The following GAS2 variants were observed in gnomAD, a reference collection of about 807,000 sequenced individuals.
GAS2 encodes the protein growth arrest specific 2.
A neutral mutation model predicts 37.5 loss-of-function variants in GAS2; 20 were observed. The ratio of observed to expected loss-of-function variants is 0.53; its 90% CI spans 0.37 to 0.77. The LOEUF is 0.77. Ranked by LOEUF, GAS2 falls within the 30% of genes least tolerant of loss-of-function variation. GAS2 has a pLI of 0.00. For synonymous variants in GAS2, 144 were observed against 132.2 expected (o/e 1.09, Z -0.61); for missense variants, 336 against 373.4 (o/e 0.90, Z 0.82).
Position 22,740,608 on chromosome 11 carries a change from T to C in GAS2, c.473+2840T>C, listed in dbSNP as rs149007951. Among the ~76,000 whole-genome samples, 58 of 152,322 alleles carry C rather than the reference T, an allele frequency of 3.8e-4. No homozygotes were observed. The East Asian group carries it at 5.8e-3, about 15-fold the overall frequency. ...TTTCTCTCTGGATACATTTAAAGTT[T>C]TTTTGATTTTGTTGCAAATTCAAAC... On this transcript the variant is annotated intron_variant, in intron 5 of 7. Coordinates refer to ENST00000454584, the MANE Select transcript of GAS2 (RefSeq NM_001143830.3).
At chr11:22,635,785 G>A (rs337484) in intron 1 of GAS2, among the ~76,000 whole-genome samples, 103,326 of 152,202 alleles carry the variant, frequency 0.68, 39,541 homozygotes, top group East Asian at 0.89. Flanking sequence ...CTCTGTCCCC[G>A]GTGGAGTCTG....
chr11:22,792,149 A>G (rs1856195934), intron 7 of GAS2, among the ~76,000 whole-genome samples: 1 of 152,216 alleles, frequency 6.6e-6, no homozygotes, highest in African/African-American at 2.4e-5. Flanking sequence ...GATTTGTGCC[A>G]TAGTTTGTCA....
chr11:22,637,097 G>T (rs1271025144), intron 1 of GAS2, among the ~76,000 whole-genome samples: 1 of 125,514 alleles, frequency 8.0e-6, no homozygotes, highest in Non-Finnish European at 1.6e-5. Flanking sequence ...AAGTAATATT[G>T]TATTACATTA....
chr11:22,793,146 C>A (rs1856251716), intron 7 of GAS2, among the ~76,000 whole-genome samples: 1 of 152,036 alleles, frequency 6.6e-6, no homozygotes, highest in Non-Finnish European at 1.5e-5. Context: ...TGGTGCCACA[C>A]ACCTGTAATC....
chr11:22,678,927 A>G (rs923436735), intron 2 of GAS2, among the ~76,000 whole-genome samples: 1 of 152,036 alleles, frequency 6.6e-6, no homozygotes, highest in Admixed American at 6.6e-5. Context: ...ATTCCTAGGC[A>G]TAGGATTAAA....
chr11:22,690,827 A>T (rs1407662276), intron 3 of GAS2, among the ~76,000 whole-genome samples: 1 of 152,100 alleles, frequency 6.6e-6, no homozygotes, highest in Non-Finnish European at 1.5e-5. Context: ...CGGTCCAAAT[A>T]GTGTTCCACA....
At chr11:22,755,793 A>G (rs2134330440) in intron 6 of GAS2, 53 bp from the exon 7 acceptor site, 1 of 1,349,424 alleles carries the variant, frequency 7.4e-7, no homozygotes, top group Non-Finnish European at 1.1e-6. Flanking sequence ...GAGCAAATTA[A>G]CATAAATGCA....
At chr11:22,697,740 CTGTT>C (rs1425948731) in intron 3 of GAS2, among the ~76,000 whole-genome samples, 4 of 152,234 alleles carry the variant, frequency 2.6e-5, no homozygotes, top group South Asian at 2.1e-4. Context: ...ATTTGGCTCT[CTGTT>C]TGTCTGTTGT....
intron 1 of GAS2, among the ~76,000 whole-genome samples, chr11:22,636,401 C>T (rs143672029): frequency 1.3e-5 from 2 of 152,236 alleles, no homozygotes; most frequent in Non-Finnish European, 2.9e-5. Flanking sequence ...ATATAAAATG[C>T]CACAGATATA....
intron 5 of GAS2, among the ~76,000 whole-genome samples, chr11:22,746,021 CA>C (rs1278428539): frequency 7.2e-5 from 11 of 151,856 alleles, no homozygotes; most frequent in Non-Finnish European, 1.3e-4. Context: ...CAAAAAAATA[CA>C]CACAAAAAAT....
In GAS2 at chr11:22,809,852, T is replaced by C. The variant is rs77684175; in HGVS notation, c.724-1946T>C. 5.4e-3 allele frequency among the ~76,000 whole-genome samples: 825 copies of C among 152,254 alleles called. 12 individuals are homozygous for C. Among genetic ancestry groups the C allele is most frequent in the East Asian group, 0.038 (196 of 5,174 alleles). On this transcript the variant is annotated intron_variant, in intron 7 of 7. Coordinates refer to ENST00000454584, the MANE Select transcript of GAS2 (RefSeq NM_001143830.3). The stretch of plus-strand genomic sequence containing the variant: ...GCGACACTTGAGCCAATTTCAGTAC[T>C]ACTGGGAGGGCCAGGAAAGGCAAAG...
chr11:22,655,925 T>C (rs34098391), intron 1 of GAS2, among the ~76,000 whole-genome samples: 23,523 of 152,130 alleles, frequency 0.15, 2,158 homozygotes, highest in East Asian at 0.22. Flanking sequence ...AAGCAAACAT[T>C]TTGTCTATAG....
chr11:22,701,583 CT>C (rs1288704280), intron 3 of GAS2, among the ~76,000 whole-genome samples: 2 of 152,148 alleles, frequency 1.3e-5, no homozygotes, highest in Admixed American at 6.6e-5. Context: ...AATCCCAGCA[CT>C]TTGGGAGGCC....
At chr11:22,714,841 A>G (rs888018241) in intron 3 of GAS2, among the ~76,000 whole-genome samples, 4 of 152,160 alleles carry the variant, frequency 2.6e-5, no homozygotes, top group African/African-American at 9.7e-5. Flanking sequence ...ACCAATTAAA[A>G]CCTCTAGGAT....
At chr11:22,710,959 A>G (rs1280627397) in intron 3 of GAS2, among the ~76,000 whole-genome samples, 1 of 152,236 alleles carries the variant, frequency 6.6e-6, no homozygotes, top group African/African-American at 2.4e-5. Flanking sequence ...AAAGTGGCAG[A>G]TAAGAGACAG....
At chr11:22,749,864 T>A (rs1853635687) in intron 6 of GAS2, among the ~76,000 whole-genome samples, 4 of 152,016 alleles carry the variant, frequency 2.6e-5, no homozygotes, top group Admixed American at 2.6e-4. Flanking sequence ...TTTAACAGAA[T>A]CACAGTAAAC....
intron 3 of GAS2, among the ~76,000 whole-genome samples, chr11:22,697,546 T>G (rs1291605827): frequency 1.3e-5 from 2 of 152,210 alleles, no homozygotes; most frequent in Non-Finnish European, 2.9e-5. Flanking sequence ...GTATGACCAT[T>G]TTCACGATAC....
At chr11:22,763,616 TACACACAC>T (rs34715661) in intron 7 of GAS2, among the ~76,000 whole-genome samples, 67,271 of 143,600 alleles carry the variant, frequency 0.47, 16,249 homozygotes, top group Middle Eastern at 0.66. Flanking sequence ...AAAATACACA[TACACACAC>T]ACACACACAC....
chr11:22,693,858 G>C (rs149712310), intron 3 of GAS2, among the ~76,000 whole-genome samples: 1 of 152,088 alleles, frequency 6.6e-6, no homozygotes, highest in Non-Finnish European at 1.5e-5. Flanking sequence ...TCTATAATTT[G>C]GCTCTAGTCT....
Sources: gnomAD v4.1 joint callset for allele counts (sites outside exome capture counted in the v4.1 genomes callset) on GRCh38, gnomAD v4.1.1 for gene constraint, MANE v1.5 for transcripts, NCBI Gene and HGNC (gene_info 2026-07-23, HGNC 2026-07-21) for gene names.